Variants in KCNB2 observed in about 807,000 individuals in gnomAD.
KCNB2 encodes the protein delayed rectifier potassium channel protein.
A neutral mutation model predicts 61.5 loss-of-function variants in KCNB2; 15 were observed. The observed-to-expected ratio is 0.24, with a 90% confidence interval of 0.16 to 0.38. KCNB2 has a LOEUF of 0.38. KCNB2 is among the 10% of genes least tolerant of loss of function. The pLI, the probability that KCNB2 is intolerant of heterozygous loss-of-function variation, is 1.00. For missense variants in KCNB2, 828 were observed against 1,125.2 expected, an observed-to-expected ratio of 0.74 and a Z score of 3.78; for synonymous variants, 457 against 446.0, an observed-to-expected ratio of 1.02 and a Z score of -0.31.
At chr8:72,692,235 CAAAAAAAAAAAAA>C (rs34131843) in intron 2 of KCNB2, among the ~76,000 whole-genome samples, 1 of 77,764 alleles carries the variant, frequency 1.3e-5, no homozygotes, top group South Asian at 4.6e-4. Flanking sequence ...GACTCTGTCT[CAAAAAAAAAAAAA>C]AAAAAAAAAA....
chr8:72,599,037 G>C (rs1466385840), intron 2 of KCNB2, among the ~76,000 whole-genome samples: 2 of 152,150 alleles, frequency 1.3e-5, no homozygotes, highest in African/African-American at 4.8e-5. Context: ...GTAATTTATA[G>C]ATTCAATGCC....
At chr8:72,575,359 T>G (rs914311559) in intron 2 of KCNB2, among the ~76,000 whole-genome samples, 7 of 151,932 alleles carry the variant, frequency 4.6e-5, no homozygotes, top group Non-Finnish European at 1.0e-4. Context: ...GATTGTGATA[T>G]GGTATAGAAA....
At chr8:72,776,780 C>T (rs1470973887) in intron 2 of KCNB2, among the ~76,000 whole-genome samples, 1 of 152,144 alleles carries the variant, frequency 6.6e-6, no homozygotes, top group Non-Finnish European at 1.5e-5. Context: ...TAGGTTGTGG[C>T]ATCTCCTTGA....
intron 2 of KCNB2, among the ~76,000 whole-genome samples, chr8:72,934,995 A>G (rs570273633): frequency 6.6e-6 from 1 of 151,950 alleles, no homozygotes; most frequent in Non-Finnish European, 1.5e-5. Context: ...CATTTCATTT[A>G]TTTAGTGATG....
chr8:72,907,068 A>G (rs937020262), intron 2 of KCNB2, among the ~76,000 whole-genome samples: 2 of 152,162 alleles, frequency 1.3e-5, no homozygotes, highest in African/African-American at 4.8e-5. Flanking sequence ...ACCTTTAAAA[A>G]CTATTTAAGG....
chr8:72,840,097 TC>T (rs760071444), intron 2 of KCNB2, among the ~76,000 whole-genome samples: 8 of 152,114 alleles, frequency 5.3e-5, no homozygotes, highest in Non-Finnish European at 7.4e-5. Context: ...TGTGTGATGT[TC>T]CCCTCCCTGT....
chr8:72,666,440 T>C (rs1338172233), intron 2 of KCNB2, among the ~76,000 whole-genome samples: 2 of 152,196 alleles, frequency 1.3e-5, no homozygotes, highest in East Asian at 1.9e-4. Context: ...TCAATATCTG[T>C]AACACTTTGA....
At chr8:72,793,546 G>T (rs1808979465) in intron 2 of KCNB2, among the ~76,000 whole-genome samples, 1 of 152,080 alleles carries the variant, frequency 6.6e-6, no homozygotes, top group Non-Finnish European at 1.5e-5. Context: ...TGTAGGCAAT[G>T]TTTCTATAGT....
intron 2 of KCNB2, among the ~76,000 whole-genome samples, chr8:72,899,797 A>G (rs572825112): frequency 1.3e-5 from 2 of 152,346 alleles, no homozygotes; most frequent in East Asian, 1.9e-4. Context: ...AGCAGTTTAT[A>G]GATTCAATGA....
intron 2 of KCNB2, among the ~76,000 whole-genome samples, chr8:72,647,789 A>G (rs749980580): frequency 6.6e-6 from 1 of 152,176 alleles, no homozygotes; most frequent in African/African-American, 2.4e-5. Flanking sequence ...CTAGCTGTCA[A>G]TTATCTAAGT....
At chr8:72,597,623 G>A (rs60430552) in intron 2 of KCNB2, among the ~76,000 whole-genome samples, 5,019 of 152,252 alleles carry the variant, frequency 0.033, 307 homozygotes, top group African/African-American at 0.12. Context: ...GAGAGGTAGA[G>A]CATTTTATTC....
intron 2 of KCNB2, among the ~76,000 whole-genome samples, chr8:72,923,232 C>T (rs1806559148): frequency 6.6e-6 from 1 of 151,652 alleles, no homozygotes; most frequent in Admixed American, 6.6e-5. Flanking sequence ...TCTTATCAGA[C>T]TTAAAAAGTT....
intron 2 of KCNB2, among the ~76,000 whole-genome samples, chr8:72,662,501 G>C (rs1213149683): frequency 6.6e-6 from 1 of 152,144 alleles, no homozygotes; most frequent in Non-Finnish European, 1.5e-5. Context: ...TGATGGCTGG[G>C]GGCTCCAGCT....
chr8:72,809,870 A>G (rs964799997), intron 2 of KCNB2, among the ~76,000 whole-genome samples: 4 of 152,146 alleles, frequency 2.6e-5, no homozygotes, highest in Non-Finnish European at 4.4e-5. Context: ...GCCTTTTCTT[A>G]TTAGCCTTTG....
At chr8:72,887,012 C>G (rs1805818193) in intron 2 of KCNB2, among the ~76,000 whole-genome samples, 2 of 152,252 alleles carry the variant, frequency 1.3e-5, no homozygotes, top group Admixed American at 1.3e-4. Context: ...GTGCCAAACT[C>G]TCTAGGACAA....
intron 2 of KCNB2, among the ~76,000 whole-genome samples, chr8:72,773,171 G>A (rs1365146990): frequency 6.6e-6 from 1 of 152,124 alleles, no homozygotes; most frequent in Non-Finnish European, 1.5e-5. Flanking sequence ...AGACAGCACT[G>A]CTTAGCATCT....
chr8:72,801,478 G>A (rs1480408828), intron 2 of KCNB2, among the ~76,000 whole-genome samples: 2 of 152,262 alleles, frequency 1.3e-5, no homozygotes, highest in Non-Finnish European at 2.9e-5. Context: ...TACTTTTGTA[G>A]GTCATTTTGT....
chr8:72,618,101 T>C (rs932737276), intron 2 of KCNB2, among the ~76,000 whole-genome samples: 20 of 151,984 alleles, frequency 1.3e-4, no homozygotes, highest in Non-Finnish European at 2.1e-4. Flanking sequence ...TGCATCTGTA[T>C]GGTGGGAAAG....
intron 2 of KCNB2, among the ~76,000 whole-genome samples, chr8:72,721,982 A>G (rs1807557115): frequency 6.6e-6 from 1 of 152,120 alleles, no homozygotes; most frequent in Non-Finnish European, 1.5e-5. Context: ...TGCTTGATCC[A>G]TTTCCAGCAT....
Sources: gnomAD v4.1 joint callset for allele counts (sites outside exome capture counted in the v4.1 genomes callset) on GRCh38, gnomAD v4.1.1 for gene constraint, MANE v1.5 for transcripts, NCBI Gene and HGNC (gene_info 2026-07-23, HGNC 2026-07-21) for gene names.